CAPN5: variants seen among roughly 807,000 people sequenced by gnomAD.
CAPN5 encodes calpain 5.
CAPN5 carries 54 observed loss-of-function variants against 73.0 expected under a neutral mutation model. The observed-to-expected ratio is 0.74, with a 90% CI of 0.59 to 0.93. CAPN5 has a LOEUF of 0.93. Ranked by LOEUF, CAPN5 falls within the 40% of genes least tolerant of loss-of-function variation. CAPN5 has a pLI of 0.00. For missense variants in CAPN5, 785 were observed against 882.9 expected, an observed-to-expected ratio of 0.89 and a Z score of 1.41; for synonymous variants, 335 against 356.9, an observed-to-expected ratio of 0.94 and a Z score of 0.69.
At chr11:77,097,099 G>A (rs535738589) in intron 3 of CAPN5, among the ~76,000 whole-genome samples, 6 of 152,268 alleles carry the variant, frequency 3.9e-5, no homozygotes, top group African/African-American at 7.2e-5. Context: ...GTGGGCGCCT[G>A]TAGTCCCAGC....
intron 1 of CAPN5, among the ~76,000 whole-genome samples, chr11:77,077,894 C>T (rs2135413410): frequency 6.6e-6 from 1 of 152,232 alleles, no homozygotes; most frequent in South Asian, 2.1e-4. Context: ...ATCATTTGCC[C>T]ATTTTAAAAT....
At chr11:77,067,632 C>CGTGT (rs71043542) in intron 1 of CAPN5, among the ~76,000 whole-genome samples, 13,507 of 126,536 alleles carry the variant, frequency 0.11, 736 homozygotes, top group Middle Eastern at 0.12. Flanking sequence ...GGCGGGCGCA[C>CGTGT]GTGTGTGTGT....
chr11:77,085,863 G>T (rs1555035415), intron 2 of CAPN5, among the ~76,000 whole-genome samples: 1 of 152,184 alleles, frequency 6.6e-6, no homozygotes, highest in Non-Finnish European at 1.5e-5. Context: ...GGCCTCCAGG[G>T]CTGTGCTAGT....
intron 3 of CAPN5, among the ~76,000 whole-genome samples, chr11:77,112,047 C>T (rs973148646): frequency 2.6e-5 from 4 of 151,748 alleles, no homozygotes; most frequent in Non-Finnish European, 5.9e-5. Context: ...CTATGTGGGG[C>T]GAGAGTAGAT....
intron 3 of CAPN5, among the ~76,000 whole-genome samples, chr11:77,100,892 C>T (rs1950276615): frequency 6.6e-6 from 1 of 152,240 alleles, no homozygotes; most frequent in Non-Finnish European, 1.5e-5. Context: ...CCTTCAGCCG[C>T]CTCAGTCACC....
intron 2 of CAPN5, among the ~76,000 whole-genome samples, chr11:77,090,202 T>G (rs1357661789): frequency 6.6e-6 from 1 of 152,096 alleles, no homozygotes; most frequent in Non-Finnish European, 1.5e-5. Flanking sequence ...GTGGTTTCTG[T>G]TGGTTAGAGC....
chr11:77,112,650 TCTTCCA>T lies in CAPN5; in HGVS notation c.370_375del (p.His124_Phe125del). 2 of 1,614,084 alleles carry T rather than the reference TCTTCCA, an allele frequency of 1.2e-6. No homozygotes were observed. The highest frequency in any genetic ancestry group is 2.2e-5 in the South Asian group (2 of 91,090). On this transcript the variant is annotated inframe_deletion, in exon 4 of 13. Coordinates refer to ENST00000648180, the MANE Select transcript of CAPN5 (RefSeq NM_004055.5). ...GAAAAGCCCAACGCCTACGCGGGCATCTTCCACTTCCACTTCTGGCGCTTCGGGGAA... is the reference window on the plus strand; with the variant it reads ...GAAAAGCCCAACGCCTACGCGGGCATCTTCCACTTCTGGCGCTTCGGGGAA...
At chr11:77,101,892 CTG>C (rs1429549388) in intron 3 of CAPN5, among the ~76,000 whole-genome samples, 12 of 152,222 alleles carry the variant, frequency 7.9e-5, no homozygotes, top group African/African-American at 2.9e-4. Flanking sequence ...CTGGGGGAAA[CTG>C]AGGATTAATT....
At chr11:77,074,328 C>T (rs1026567820) in intron 1 of CAPN5, among the ~76,000 whole-genome samples, 2 of 152,178 alleles carry the variant, frequency 1.3e-5, no homozygotes, top group Non-Finnish European at 2.9e-5. Flanking sequence ...CTGGCATCCC[C>T]AGCCCTGCAG....
At chr11:77,084,773 G>A in intron 1 of CAPN5, 79 bp from the exon 2 acceptor site, 1 of 1,283,438 alleles carries the variant, frequency 7.8e-7, no homozygotes, top group South Asian at 1.2e-5. Flanking sequence ...GTGCCATGGG[G>A]CTGATGATGT....
At chr11:77,110,991 C>T (rs933043014) in intron 3 of CAPN5, among the ~76,000 whole-genome samples, 6 of 152,016 alleles carry the variant, frequency 3.9e-5, no homozygotes, top group Admixed American at 1.3e-4. Flanking sequence ...CACTTGGTCC[C>T]GTGCCCAGCA....
intron 12 of CAPN5, 60 bp downstream of exon 12, chr11:77,122,772 GGGGGACAAGCCC>G: frequency 6.2e-7 from 1 of 1,603,444 alleles, no homozygotes; most frequent in African/African-American, 1.3e-5. Context: ...TCCCCACTCA[GGGGGACAAGCCC>G]AGGTGGAAGA....
intron 1 of CAPN5, among the ~76,000 whole-genome samples, chr11:77,070,766 T>G (rs1278148876): frequency 6.6e-6 from 1 of 152,156 alleles, no homozygotes; most frequent in African/African-American, 2.4e-5. Flanking sequence ...CCAGGCTGGC[T>G]TCTTCTGTGG....
At chr11:77,119,606 G>A (rs571117995) in intron 9 of CAPN5, 99 of 170,812 alleles carry the variant, frequency 5.8e-4, no homozygotes, top group African/African-American at 1.5e-3. Flanking sequence ...ACCTATGGCC[G>A]CACCGCCTGG....
rs1555040970 is a variant in CAPN5 at position 77,112,694 on chromosome 11, G to A, written c.403G>A (p.Val135Ile). 1 of 1,614,132 alleles carries A rather than the reference G, an allele frequency of 6.2e-7. No individual in the cohort carries two copies. The highest frequency in any genetic ancestry group is 1.3e-5 in the African/African-American group (1 of 74,950). ...FWRFGEWVDVVIDDRLPTVNN... is the reference protein window; with the variant it reads ...FWRFGEWVDVIIDDRLPTVNN... ...GCGCTTCGGGGAATGGGTGGACGTG[G>A]TCATCGATGACCGGCTGCCCACAGT... Residue 135 changes from valine (V) to isoleucine (I), a missense_variant, in exon 4 of 13, where the codon GTC becomes ATC. Val to Ile is a conservative substitution (Grantham distance 29). Coordinates refer to ENST00000648180, the MANE Select transcript of CAPN5 (RefSeq NM_004055.5).
chr11:77,118,245 T>C lies in CAPN5; in HGVS notation c.1060T>C (p.Trp354Arg). The change falls in exon 8 of 13, where the codon TGG (tryptophan) becomes CGG (arginine). Residue 354 changes from tryptophan (W) to arginine (R), a missense_variant. Trp to Arg is a moderately radical substitution (Grantham distance 101, BLOSUM62 -3). Transcript: ENST00000648180. Reference protein sequence around the residue: ...NTSHLSIHKTWEEARLHGAWT... With the variant: ...NTSHLSIHKTREEARLHGAWT... ...ATCCCACCTGAGCATCCACAAGACGTGGGAGGAGGCCCGGCTGCATGGCGC... is the reference window on the plus strand; with the variant it reads ...ATCCCACCTGAGCATCCACAAGACGCGGGAGGAGGCCCGGCTGCATGGCGC... 1 of 1,614,058 alleles carries C rather than the reference T, an allele frequency of 6.2e-7. No individual in the cohort carries two copies. Among genetic ancestry groups the C allele is most frequent in the Non-Finnish European group, 8.5e-7 (1 of 1,180,008 alleles).
chr11:77,121,610 T>C (rs11237095), intron 10 of CAPN5, among the ~76,000 whole-genome samples: 1 of 152,350 alleles, frequency 6.6e-6, no homozygotes, highest in East Asian at 1.9e-4. Flanking sequence ...AGCTGTGACA[T>C]GGGCACCATA....
chr11:77,097,507 G>A (rs1226144204), intron 3 of CAPN5, among the ~76,000 whole-genome samples: 1 of 103,106 alleles, frequency 9.7e-6, no homozygotes, highest in Non-Finnish European at 1.9e-5. Flanking sequence ...ATTCTTGGGT[G>A]TTTCTCACAG....
intron 1 of CAPN5, among the ~76,000 whole-genome samples, chr11:77,075,173 G>A (rs1483141177): frequency 6.6e-6 from 1 of 152,108 alleles, no homozygotes; most frequent in Admixed American, 6.5e-5. Context: ...ATCCTCTGCA[G>A]CCTCATCCAT....
Sources: allele counts gnomAD v4.1 joint callset (sites outside exome capture counted in the v4.1 genomes callset), GRCh38; gene constraint gnomAD v4.1.1; transcripts MANE v1.5; gene names NCBI Gene and HGNC (gene_info 2026-07-23, HGNC 2026-07-21).